The following HIP1 variants were observed in gnomAD, a reference collection of about 807,000 sequenced individuals.
The protein encoded by HIP1 is huntingtin interacting protein 1, also known as huntingtin-interacting protein 1.
In HIP1, 65 loss-of-function variants were observed where a neutral mutation model predicts 147.6. The observed-to-expected ratio is 0.44, with a 90% CI of 0.36 to 0.54. HIP1 has a LOEUF of 0.54. Ranked by LOEUF, HIP1 falls within the 20% of genes least tolerant of loss-of-function variation. The pLI, the probability that HIP1 is intolerant of heterozygous loss-of-function variation, is 0.00. For synonymous variants in HIP1, 479 were observed against 504.0 expected, an observed-to-expected ratio of 0.95 and a Z score of 0.67; for missense variants, 1,061 against 1,299.6, an observed-to-expected ratio of 0.82 and a Z score of 2.82.
intron 1 of HIP1, among the ~76,000 whole-genome samples, chr7:75,717,163 TTGACCCACGCATGA>T (rs1554520699): frequency 6.6e-6 from 1 of 152,114 alleles, no homozygotes; most frequent in Non-Finnish European, 1.5e-5. Flanking sequence ...GCAGTCTCAC[TTGACCCACGCATGA>T]TGAAATTGAT....
intron 1 of HIP1, among the ~76,000 whole-genome samples, chr7:75,721,603 G>GATCC (rs2117380513): frequency 6.6e-6 from 1 of 152,272 alleles, no homozygotes; most frequent in African/African-American, 2.4e-5. Context: ...GGAAGGCCAG[G>GATCC]ATCCAAAGAC....
intron 1 of HIP1, among the ~76,000 whole-genome samples, chr7:75,652,582 C>A (rs1799031921): frequency 6.6e-6 from 1 of 151,920 alleles, no homozygotes; most frequent in African/African-American, 2.4e-5. Flanking sequence ...CTGGGCTGGT[C>A]TTGAACTCCT....
chr7:75,553,349 A>C, intron 22 of HIP1, 104 bp downstream of exon 22: 1 of 1,356,650 alleles, frequency 7.4e-7, no homozygotes, highest in Non-Finnish European at 1.0e-6. Flanking sequence ...TCAAGTTCTA[A>C]GTGCAGAAAG....
At chr7:75,652,604 A>G (rs1554512149) in intron 1 of HIP1, among the ~76,000 whole-genome samples, 1 of 152,066 alleles carries the variant, frequency 6.6e-6, no homozygotes. Context: ...GGCTCAAGCA[A>G]TCCTCCTGCC....
At chr7:75,696,971 T>G (rs1800660976) in intron 1 of HIP1, among the ~76,000 whole-genome samples, 1 of 151,846 alleles carries the variant, frequency 6.6e-6, no homozygotes, top group Non-Finnish European at 1.5e-5. Flanking sequence ...CCAAAATGCT[T>G]CCTTCTGCCT....
chr7:75,625,715 T>C (rs1798011642), intron 1 of HIP1: 1 of 152,210 alleles, frequency 6.6e-6, no homozygotes, highest in South Asian at 2.1e-4. Context: ...TGTGATGGTA[T>C]GAAGAGGTAG....
At chr7:75,632,959 G>A (rs1798283574) in intron 1 of HIP1, among the ~76,000 whole-genome samples, 1 of 152,138 alleles carries the variant, frequency 6.6e-6, no homozygotes, top group African/African-American at 2.4e-5. Context: ...TGAGTGATGA[G>A]AACACATGGA....
At position 75,537,592 on chromosome 7, in the gene HIP1, A is replaced by T. The variant is rs1184920672; in HGVS notation, c.*580T>A. On this transcript the variant is annotated 3_prime_UTR_variant, in exon 31 of 31. Coordinates refer to ENST00000336926, the MANE Select transcript of HIP1 (RefSeq NM_005338.7). ...TGGAAATCCATGGCACTGCCCAAAG[A>T]GGGGGAGAATGGCTTTGGCATTCAC... 4.3e-6 allele frequency: 1 copy of T among 232,674 alleles called. No individual in the cohort carries two copies. The highest frequency in any genetic ancestry group is 2.2e-5 in the African/African-American group (1 of 45,224). The allele number at this position is 232,674 out of a possible 1,614,324, so 14.4% of individuals were successfully genotyped here. A position where few individuals can be genotyped will look rare whatever the true frequency, so the allele number is the denominator to read the frequency against.
At chr7:75,718,262 T>C (rs1801383681) in intron 1 of HIP1, among the ~76,000 whole-genome samples, 1 of 151,770 alleles carries the variant, frequency 6.6e-6, no homozygotes, top group Non-Finnish European at 1.5e-5. Context: ...GAGGCTGAGG[T>C]GGGAGGGTCG....
intron 5 of HIP1, among the ~76,000 whole-genome samples, chr7:75,585,754 AC>A (rs1411460155): frequency 2.0e-5 from 3 of 151,174 alleles, no homozygotes; most frequent in African/African-American, 4.9e-5. Flanking sequence ...CAGTTGCCAG[AC>A]CCCTGTACAC....
rs187344064 is a variant in HIP1 at position 75,614,610 on chromosome 7, G to A, written c.121-15363C>T. On this transcript the variant is annotated intron_variant, in intron 1 of 30. Transcript: ENST00000336926. ...TTAATGGGAACAGGGTTTCCTTTAC[G>A]GATAGTGAAAATGTTCTGAAATTAA... Among the ~76,000 whole-genome samples the A allele has an allele frequency of 4.1e-4, 63 of 152,254 alleles. 1 individual carries two copies. The South Asian group carries it at 0.01, about 25-fold the overall frequency.
chr7:75,587,967 A>G (rs1217787994), intron 4 of HIP1, among the ~76,000 whole-genome samples: 5 of 152,102 alleles, frequency 3.3e-5, no homozygotes, highest in African/African-American at 1.2e-4. Flanking sequence ...ACTGTCTCAA[A>G]ACACCACCAC....
At chr7:75,709,273 T>C (rs1554519961) in intron 1 of HIP1, among the ~76,000 whole-genome samples, 1 of 151,812 alleles carries the variant, frequency 6.6e-6, no homozygotes, top group Non-Finnish European at 1.5e-5. Flanking sequence ...ACACCATGCC[T>C]GGTTGATGTT....
intron 14 of HIP1, 62 bp from the exon 15 acceptor site, chr7:75,558,317 A>G (rs7806452): frequency 0.11 from 142,803 of 1,278,706 alleles, 8,967 homozygotes; most frequent in East Asian, 0.28. Flanking sequence ...CTTCCTTGCA[A>G]TGAGCCAGGG....
At chr7:75,649,992 G>A (rs1451228331) in intron 1 of HIP1, among the ~76,000 whole-genome samples, 2 of 152,260 alleles carry the variant, frequency 1.3e-5, no homozygotes, top group Admixed American at 6.5e-5. Flanking sequence ...AGGGGAAAGG[G>A]TGACTTCAAG....
At chr7:75,543,991 T>C (rs1794433410) in intron 27 of HIP1, among the ~76,000 whole-genome samples, 1 of 152,040 alleles carries the variant, frequency 6.6e-6, no homozygotes, top group South Asian at 2.1e-4. Context: ...GCTAACGCGG[T>C]GAAACCCCGT....
intron 1 of HIP1, among the ~76,000 whole-genome samples, chr7:75,695,574 T>TTCG (rs67495806): frequency 2.9e-4 from 43 of 148,698 alleles, no homozygotes; most frequent in African/African-American, 9.9e-4. Context: ...ACCAGTTTTT[T>TTCG]TTGTTGTTGT....
chr7:75,599,186 C>A lies in HIP1; in HGVS notation c.182G>T (p.Arg61Ile). ...QEVAVKEKHA[R>I]TCILGTHHEK... ...CCAAGCAACATCCAAAAGGATATTTCTGGCGTGTTTTTCCTTTACAGCCAC... is the reference window on the plus strand; with the variant it reads ...CCAAGCAACATCCAAAAGGATATTTATGGCGTGTTTTTCCTTTACAGCCAC... Residue 61 changes from arginine (R) to isoleucine (I), a missense_variant and splice_region_variant, in exon 2 of 31, where the codon AGA becomes ATA. Physicochemically the swap from Arg to Ile is moderately conservative, Grantham distance 97. Coordinates refer to ENST00000336926, the MANE Select transcript of HIP1 (RefSeq NM_005338.7). 2 of 1,611,008 alleles carry A rather than the reference C, an allele frequency of 1.2e-6. No homozygotes were observed. The highest frequency in any genetic ancestry group is 1.7e-6 in the Non-Finnish European group (2 of 1,177,144).
chr7:75,663,773 G>T (rs1160904240), intron 1 of HIP1, among the ~76,000 whole-genome samples: 1 of 151,004 alleles, frequency 6.6e-6, no homozygotes, highest in Non-Finnish European at 1.5e-5. Flanking sequence ...GGGAGTGGGA[G>T]GGGAGTGGAG....
Sources: gnomAD v4.1 joint callset for allele counts (sites outside exome capture counted in the v4.1 genomes callset) on GRCh38, gnomAD v4.1.1 for gene constraint, MANE v1.5 for transcripts, NCBI Gene and HGNC (gene_info 2026-07-23, HGNC 2026-07-21) for gene names.